UMODL1: variants seen among roughly 807,000 people sequenced by gnomAD.
UMODL1 encodes uromodulin-like 1.
In UMODL1, 128 loss-of-function variants were observed where a neutral mutation model predicts 136.3. The ratio of observed to expected loss-of-function variants is 0.94; its 90% CI spans 0.81 to 1.09. UMODL1 has a LOEUF of 1.09. Ranked by LOEUF, UMODL1 falls within the 50% of genes least tolerant of loss-of-function variation. UMODL1 has a pLI of 0.00. For synonymous variants in UMODL1, 721 were observed against 720.0 expected, an observed-to-expected ratio of 1.00 and a Z score of -0.02; for missense variants, 1,766 against 1,725.6, an observed-to-expected ratio of 1.02 and a Z score of -0.41.
At chr21:42,079,736 TA>T (rs1376881550) in intron 2 of UMODL1, among the ~76,000 whole-genome samples, 1 of 152,184 alleles carries the variant, frequency 6.6e-6, no homozygotes, top group Non-Finnish European at 1.5e-5. Context: ...GGATCCAGGC[TA>T]GGGGAGGCCC....
chr21:42,079,445 G>A (rs1388857412), intron 2 of UMODL1, among the ~76,000 whole-genome samples: 3 of 152,214 alleles, frequency 2.0e-5, no homozygotes, highest in Non-Finnish European at 1.5e-5. Context: ...GGGCTGCCCT[G>A]GGGAGCTGCA....
intron 14 of UMODL1, 125 bp downstream of exon 14, chr21:42,116,110 A>T: frequency 1.8e-6 from 1 of 563,680 alleles, no homozygotes; most frequent in Admixed American, 3.0e-5. Flanking sequence ...AGAGGCGGGC[A>T]GATTGCCTGA....
chr21:42,074,192 C>T (rs984915260), intron 1 of UMODL1, among the ~76,000 whole-genome samples: 3 of 152,214 alleles, frequency 2.0e-5, no homozygotes, highest in Non-Finnish European at 4.4e-5. Context: ...TGCTCCGGGC[C>T]TCCAGCTTCT....
intron 22 of UMODL1, among the ~76,000 whole-genome samples, chr21:42,138,657 C>T (rs1351703020): frequency 6.6e-6 from 1 of 151,960 alleles, no homozygotes; most frequent in African/African-American, 2.4e-5. Flanking sequence ...CTCACCACAA[C>T]CTCCACCTCC....
At chr21:42,133,151 G>A (rs1470060267) in intron 21 of UMODL1, among the ~76,000 whole-genome samples, 2 of 152,214 alleles carry the variant, frequency 1.3e-5, no homozygotes, top group African/African-American at 4.8e-5. Context: ...CTCCCAGTTG[G>A]TGGGGACTTG....
intron 3 of UMODL1, 51 bp downstream of exon 3, chr21:42,084,296 G>C (rs753909621): frequency 3.1e-5 from 49 of 1,595,040 alleles, no homozygotes; most frequent in South Asian, 2.5e-4. Context: ...GCGGGTCTCG[G>C]TGAGGCCTGA....
At chr21:42,093,874 G>A (rs918799039) in intron 6 of UMODL1, 4 of 456,512 alleles carry the variant, frequency 8.8e-6, no homozygotes, top group African/African-American at 6.0e-5. Flanking sequence ...CCCGCAGCAC[G>A]TGGCCTTGAG....
rs369815505 is a variant in UMODL1 at position 42,103,832 on chromosome 21, G to A, written c.1300-36G>A. On this transcript the variant is annotated intron_variant, in intron 8 of 22. Transcript: ENST00000408910. ...AACCCTGCTTAATGGTCGTGAAGAC[G>A]TTGATGGATGTCTGCTGTTGCCTCT... 2.3e-4 allele frequency: 364 copies of A among 1,611,998 alleles called. No homozygotes were observed. In the African/African-American group the frequency reaches 4.2e-3, roughly 18 times the overall value.
rs745944361 is a variant in UMODL1, at chr21:42,084,097, C to T, written c.333C>T (p.Ser111=). 31 of 1,613,910 alleles carry T rather than the reference C, an allele frequency of 1.9e-5. No individual in the cohort carries two copies. Among genetic ancestry groups the T allele is most frequent in the Admixed American group, 3.3e-5 (2 of 59,966 alleles). The change falls in exon 3 of 23, where the codon TCC becomes TCT. Residue 111 remains serine, a synonymous_variant. Coordinates refer to ENST00000408910, the MANE Select transcript of UMODL1 (RefSeq NM_001004416.3). ...GLYCVLPLNQ[S]GQFTSRPGAC... ...ATTTTCTCCCAGCCCTGAATCAGTC[C>T]GGGCAGTTCACGTCAAGACCTGGGG...
intron 2 of UMODL1, among the ~76,000 whole-genome samples, chr21:42,077,002 GGTGTGTGTGTGTGTGTGTGTGTGT>G (rs56409028): frequency 0.013 from 1,448 of 113,262 alleles, 37 homozygotes; most frequent in African/African-American, 0.036. Flanking sequence ...CCAGGGGAGG[GGTGTGTGTGTGTGTGTGTGTGTGT>G]GTGTGTGTGT....
intron 21 of UMODL1, among the ~76,000 whole-genome samples, chr21:42,132,319 A>T (rs941666161): frequency 1.3e-5 from 2 of 151,248 alleles, no homozygotes; most frequent in East Asian, 1.9e-4. Context: ...TCTATCATCC[A>T]TCCATCCATG....
intron 1 of UMODL1, among the ~76,000 whole-genome samples, chr21:42,065,765 C>G (rs1217409645): frequency 1.3e-5 from 2 of 152,092 alleles, no homozygotes; most frequent in African/African-American, 4.8e-5. Context: ...ATCTGCTGAC[C>G]TTGTGATCTG....
At position 42,121,080 on chromosome 21, in the gene UMODL1, T is replaced by A; in HGVS notation, c.2690-7T>A. The A allele has an allele frequency of 1.2e-6, 2 of 1,611,220 alleles. No individual in the cohort carries two copies. Among genetic ancestry groups the A allele is most frequent in the Non-Finnish European group, 1.7e-6 (2 of 1,178,548 alleles). ...TTCTTCTGTTTTGTCTTCTAAATGTTGTGCAGATTACGATGAGTGTGAAAG... is the reference window on the plus strand; with the variant it reads ...TTCTTCTGTTTTGTCTTCTAAATGTAGTGCAGATTACGATGAGTGTGAAAG... On this transcript the variant is annotated splice_region_variant and splice_polypyrimidine_tract_variant and intron_variant, in intron 15 of 22. Coordinates refer to ENST00000408910, the MANE Select transcript of UMODL1 (RefSeq NM_001004416.3).
chr21:42,077,171 C>T (rs2066304743), intron 2 of UMODL1, among the ~76,000 whole-genome samples: 1 of 151,802 alleles, frequency 6.6e-6, no homozygotes, highest in Non-Finnish European at 1.5e-5. Flanking sequence ...GGGTGTGTGG[C>T]TCCAGCTTGG....
intron 15 of UMODL1, chr21:42,120,820 G>T: frequency 3.0e-6 from 1 of 329,028 alleles, no homozygotes; most frequent in Non-Finnish European, 5.5e-6. Flanking sequence ...GGGAACTGAA[G>T]GGATGGCCCT....
rs773349251 is a variant in UMODL1 at position 42,111,653 on chromosome 21, G to A, written c.2047G>A (p.Gly683Ser). 2.2e-5 allele frequency: 36 copies of A among 1,613,894 alleles called. No individual in the cohort carries two copies. Among genetic ancestry groups the A allele is most frequent in the Middle Eastern group, 1.6e-4 (1 of 6,080 alleles). Reference protein sequence around the residue: ...WLRNEDSGPSGSVDLPLTSTL... With the variant: ...WLRNEDSGPSSSVDLPLTSTL... ...GCGAAATGAGGACAGTGGACCCTCCGGTTCTGTAGACCTGCCATTGACCTC... is the reference window on the plus strand; with the variant it reads ...GCGAAATGAGGACAGTGGACCCTCCAGTTCTGTAGACCTGCCATTGACCTC... The change falls in exon 12 of 23, where the codon GGT (glycine) becomes AGT (serine). Residue 683 changes from glycine to serine, a missense_variant. By Grantham distance (56) the Gly-to-Ser change is moderately conservative (BLOSUM62 0). Transcript: ENST00000408910.
rs961827730 is a variant in UMODL1, at chr21:42,115,897, T to C, written c.2387T>C (p.Val796Ala). Reference sequence around the variant, plus strand: ...GCAGCCCGGAAGCTCATTGGAAAGGTCAGAATCAAAAATGTCAGGTACTCA... The same window carrying C: ...GCAGCCCGGAAGCTCATTGGAAAGGCCAGAATCAAAAATGTCAGGTACTCA... ...RTAARKLIGK[V>A]RIKNVRYSES... The change falls in exon 14 of 23, where the codon GTC becomes GCC. Residue 796 changes from valine to alanine, a missense_variant. Coordinates refer to ENST00000408910, the MANE Select transcript of UMODL1 (RefSeq NM_001004416.3). 1.2e-6 allele frequency: 2 copies of C among 1,613,896 alleles called. No homozygotes were observed. The highest frequency in any genetic ancestry group is 2.7e-5 in the African/African-American group (2 of 74,872).
At chr21:42,091,369 T>C (rs2066490423) in intron 6 of UMODL1, among the ~76,000 whole-genome samples, 1 of 152,058 alleles carries the variant, frequency 6.6e-6, no homozygotes, top group Non-Finnish European at 1.5e-5. Flanking sequence ...GGGGGAAGCA[T>C]GTAGATAAAC....
upstream of UMODL1, among the ~76,000 whole-genome samples, chr21:42,067,700 G>A (rs949034965): frequency 2.6e-5 from 4 of 152,140 alleles, no homozygotes; most frequent in African/African-American, 7.2e-5. Context: ...AGGCCTGGGC[G>A]CCTCTTCTGG....
Sources: allele counts gnomAD v4.1 joint callset (sites outside exome capture counted in the v4.1 genomes callset), GRCh38; gene constraint gnomAD v4.1.1; transcripts MANE v1.5; gene names NCBI Gene and HGNC (gene_info 2026-07-23, HGNC 2026-07-21).